The following PEAK1 variants were observed in gnomAD, a reference collection of about 807,000 sequenced individuals.
The protein encoded by PEAK1 is pseudopodium enriched atypical kinase 1.
A neutral mutation model predicts 124.7 loss-of-function variants in PEAK1; 54 were observed. The observed-to-expected ratio is 0.43, with a 90% CI of 0.35 to 0.54. PEAK1 has a LOEUF of 0.54. Among genes scored for constraint, PEAK1 ranks in the 20% least tolerant of loss-of-function variants. PEAK1 has a pLI of 0.01. For missense variants in PEAK1, 2,046 were observed against 2,134.5 expected (o/e 0.96, Z 0.82); for synonymous variants, 719 against 760.0 (o/e 0.95, Z 0.89).
At chr15:77,393,702 C>T (rs2070669349) in intron 1 of PEAK1, among the ~76,000 whole-genome samples, 1 of 152,144 alleles carries the variant, frequency 6.6e-6, no homozygotes, top group Non-Finnish European at 1.5e-5. Context: ...ACATTCCCAG[C>T]TGTGGTAGCT....
At chr15:77,268,269 G>A (rs1022118079) in intron 5 of PEAK1, among the ~76,000 whole-genome samples, 7 of 152,182 alleles carry the variant, frequency 4.6e-5, no homozygotes, top group Non-Finnish European at 8.8e-5. Flanking sequence ...GATGTCAGGA[G>A]TTTGAGACCA....
rs563654518 is a variant in PEAK1, at chr15:77,175,905, A to T, written c.3137+2885T>A. Among the ~76,000 whole-genome samples, 81 of 152,370 alleles carry T rather than the reference A, an allele frequency of 5.3e-4. No homozygotes were observed. In the East Asian group the frequency reaches 0.015, roughly 28 times the overall value. ...TAAGAAAATGTGGCACATATACACC[A>T]CAGAATACTATGCAGCCATAAAAAA... On this transcript the variant is annotated intron_variant, in intron 7 of 9. Transcript: ENST00000682557.
chr15:77,171,816 TAAG>T (rs1202740303), intron 7 of PEAK1, among the ~76,000 whole-genome samples: 4 of 152,186 alleles, frequency 2.6e-5, no homozygotes, highest in Non-Finnish European at 5.9e-5. Flanking sequence ...ATGTATAATT[TAAG>T]TATTAAATAA....
chr15:77,328,946 AT>A (rs2065741538), intron 2 of PEAK1, among the ~76,000 whole-genome samples: 1 of 152,150 alleles, frequency 6.6e-6, no homozygotes, highest in African/African-American at 2.4e-5. Flanking sequence ...CACCACATAA[AT>A]TGCTTAGTAG....
chr15:77,253,170 A>T (rs2060957291), intron 5 of PEAK1, among the ~76,000 whole-genome samples: 3 of 148,006 alleles, frequency 2.0e-5, no homozygotes, highest in African/African-American at 7.3e-5. Flanking sequence ...TATATACAAG[A>T]GGATGTATAT....
At chr15:77,312,672 C>T (rs575367784) in intron 2 of PEAK1, among the ~76,000 whole-genome samples, 2 of 152,328 alleles carry the variant, frequency 1.3e-5, no homozygotes, top group Admixed American at 6.5e-5. Context: ...TGCATTCCCT[C>T]GAATTTGTTT....
rs924902264 is a variant in PEAK1, at chr15:77,404,576, T to G, written c.-666+15430A>C. On this transcript the variant is annotated intron_variant, in intron 1 of 9. Transcript: ENST00000682557. The stretch of plus-strand genomic sequence containing the variant: ...TTTTTTAAATGTGGCTACTAGAAAA[T>G]TTGAAACTACATATGTGGTTTGCAC... 6 of 841,814 alleles carry G rather than the reference T, an allele frequency of 7.1e-6. No homozygotes were observed. In the African/African-American group the frequency reaches 7.4e-5, roughly 10 times the overall value. 52.1% of individuals were successfully genotyped at this position (841,814 alleles called of 1,614,324 possible). A position where few individuals can be genotyped will look rare whatever the true frequency, so the allele number is the denominator to read the frequency against.
chr15:77,257,754 G>T (rs1281994019), intron 5 of PEAK1, among the ~76,000 whole-genome samples: 1 of 151,976 alleles, frequency 6.6e-6, no homozygotes, highest in Non-Finnish European at 1.5e-5. Context: ...TGTCAATTTT[G>T]GCTTTTGTTG....
rs115082750 is a variant in PEAK1 at position 77,293,627 on chromosome 15, T to C, written c.-602-7123A>G. Among the ~76,000 whole-genome samples, 97 of 152,352 alleles carry C rather than the reference T, an allele frequency of 6.4e-4. 1 individual carries two copies. The highest frequency in any genetic ancestry group is 2.3e-3 in the African/African-American group (96 of 41,574). On this transcript the variant is annotated intron_variant, in intron 2 of 9. Transcript: ENST00000682557. ...CTTCCACAGTATTTTCACACACTTT[T>C]ATTATAGAATTACTTAAACGTAGTT...
At chr15:77,388,340 T>C (rs2070138100) in intron 1 of PEAK1, among the ~76,000 whole-genome samples, 1 of 152,116 alleles carries the variant, frequency 6.6e-6, no homozygotes, top group African/African-American at 2.4e-5. Context: ...AGCCTCAGAG[T>C]GATAGATATG....
At chr15:77,207,959 A>G (rs1242774965) in intron 6 of PEAK1, among the ~76,000 whole-genome samples, 3 of 152,134 alleles carry the variant, frequency 2.0e-5, no homozygotes, top group Non-Finnish European at 1.5e-5. Context: ...CAGGTCTAGG[A>G]ACAGGTTGGG....
chr15:77,278,246 G>A lies in PEAK1; in HGVS notation c.-275+5637C>T, dbSNP rs187079184. On this transcript the variant is annotated intron_variant, in intron 5 of 9. Transcript: ENST00000682557. ...AGGTGATTAAGTACATTGTGATATA[G>A]TCATACAATGGAACACTACTCAGCA... 1.4e-3 allele frequency among the ~76,000 whole-genome samples: 206 copies of A among 152,210 alleles called. 1 individual carries two copies. Among genetic ancestry groups the A allele is most frequent in the African/African-American group, 4.8e-3 (201 of 41,526 alleles).
At chr15:77,238,533 T>C (rs1033700798) in intron 6 of PEAK1, among the ~76,000 whole-genome samples, 1 of 152,238 alleles carries the variant, frequency 6.6e-6, no homozygotes, top group East Asian at 1.9e-4. Flanking sequence ...TCCATTTATA[T>C]AGTTTGGTAC....
At chr15:77,319,068 T>A (rs1293787561) in intron 2 of PEAK1, among the ~76,000 whole-genome samples, 2 of 152,198 alleles carry the variant, frequency 1.3e-5, no homozygotes, top group Admixed American at 6.5e-5. Flanking sequence ...TGTCTCCAGC[T>A]ATAACAATAT....
intron 5 of PEAK1, among the ~76,000 whole-genome samples, chr15:77,259,888 G>T (rs1458406483): frequency 2.0e-5 from 3 of 152,196 alleles, no homozygotes; most frequent in African/African-American, 7.2e-5. Flanking sequence ...AGGAGGCCAA[G>T]AAGGCTAGAA....
intron 8 of PEAK1, among the ~76,000 whole-genome samples, chr15:77,135,602 T>C (rs1488087284): frequency 6.6e-6 from 1 of 152,188 alleles, no homozygotes; most frequent in Non-Finnish European, 1.5e-5. Flanking sequence ...CCAAATCTCA[T>C]CTTGAATTCC....
chr15:77,271,813 G>A (rs1223813009), intron 5 of PEAK1, among the ~76,000 whole-genome samples: 1 of 152,124 alleles, frequency 6.6e-6, no homozygotes, highest in African/African-American at 2.4e-5. Flanking sequence ...GATAGCATTA[G>A]GAGACATACC....
chr15:77,346,672 A>T, intron 2 of PEAK1: 1 of 984,068 alleles, frequency 1.0e-6, no homozygotes, highest in Non-Finnish European at 1.2e-6. Context: ...ATTAATTGCA[A>T]AAACATTAAT....
chr15:77,251,882 T>A (rs988422230), intron 6 of PEAK1, among the ~76,000 whole-genome samples: 1 of 152,200 alleles, frequency 6.6e-6, no homozygotes, highest in Non-Finnish European at 1.5e-5. Context: ...AAGGAAGGTA[T>A]AAATATGACT....
Sources: gnomAD v4.1 joint callset for allele counts (sites outside exome capture counted in the v4.1 genomes callset) on GRCh38, gnomAD v4.1.1 for gene constraint, MANE v1.5 for transcripts, NCBI Gene and HGNC (gene_info 2026-07-23, HGNC 2026-07-21) for gene names.